The following GNAT2 variants were observed in gnomAD, a reference collection of about 807,000 sequenced individuals.
GNAT2 encodes the protein guanine nucleotide-binding protein G(t) subunit alpha-2.
In GNAT2, 32 loss-of-function variants were observed where a neutral mutation model predicts 40.9. The observed-to-expected ratio is 0.78, with a 90% CI of 0.59 to 1.05. The LOEUF (loss-of-function observed/expected upper bound fraction) is 1.05. Ranked by LOEUF, GNAT2 falls within the 50% of genes least tolerant of loss-of-function variation. The pLI is 0.00. For synonymous variants in GNAT2, 141 were observed against 157.2 expected (o/e 0.90, Z 0.77); for missense variants, 355 against 431.5 (o/e 0.82, Z 1.57).
At chr1:109,607,471 GGAAGGCA>G (rs1214042055) in intron 5 of GNAT2, 11 of 127,418 alleles carry the variant, frequency 8.6e-5, no homozygotes, top group Non-Finnish European at 1.7e-4. Flanking sequence ...AAAGGCAAGA[GGAAGGCA>G]GATGTGAACT....
intron 8 of GNAT2, 22 bp from the exon 9 acceptor site, chr1:109,603,566 GA>G (rs1299898997): frequency 2.0e-6 from 3 of 1,473,400 alleles, no homozygotes; most frequent in Admixed American, 1.7e-5. Flanking sequence ...GAAAAATAGT[GA>G]AAAAGTAGAA....
chr1:109,608,531 G>A, intron 5 of GNAT2, 100 bp downstream of exon 5: 1 of 1,094,088 alleles, frequency 9.1e-7, no homozygotes, highest in Non-Finnish European at 1.4e-6. Context: ...AGCTTTCAAT[G>A]CCTGAAATTT....
In GNAT2 at chr1:109,610,022, A is replaced by G. The variant is rs754796051; in HGVS notation, c.303+18T>C. 55 of 1,613,056 alleles carry G rather than the reference A, an allele frequency of 3.4e-5. No homozygotes were observed. The East Asian group carries it at 1.1e-3, about 31-fold the overall frequency. On this transcript the variant is annotated intron_variant, in intron 4 of 8. Coordinates refer to ENST00000679935, the MANE Select transcript of GNAT2 (RefSeq NM_001377295.2). ...CCTTTCTGCTTCCACCCTTAACCACATAATAGTAATCACATACCGCACAGC... is the reference window on the plus strand; with the variant it reads ...CCTTTCTGCTTCCACCCTTAACCACGTAATAGTAATCACATACCGCACAGC...
At position 109,606,351 on chromosome 1, in the gene GNAT2, C is replaced by T. The variant is rs1649593990; in HGVS notation, c.547G>A (p.Gly183Ser). The T allele has an allele frequency of 6.2e-7, 1 of 1,613,142 alleles. No individual in the cohort carries two copies. Among genetic ancestry groups the T allele is most frequent in the Non-Finnish European group, 8.5e-7 (1 of 1,179,164 alleles). ...DVLRSRVKTT[G>S]IIETKFSVKD... is the part of the protein sequence containing the mutation. Reference sequence around the variant, plus strand: ...ACGGAAAACTTGGTTTCAATGATGCCCGTGGTTTTGACTCTGGATCGGAGC... The same window carrying T: ...ACGGAAAACTTGGTTTCAATGATGCTCGTGGTTTTGACTCTGGATCGGAGC... The change falls in exon 6 of 9, where the codon GGC (glycine) becomes AGC (serine). Residue 183 changes from glycine (G) to serine (S), a missense_variant. Coordinates refer to ENST00000679935, the MANE Select transcript of GNAT2 (RefSeq NM_001377295.2).
intron 1 of GNAT2, chr1:109,614,103 A>AAC (rs1649880669): frequency 6.6e-6 from 1 of 152,232 alleles, no homozygotes; most frequent in Non-Finnish European, 1.5e-5. Context: ...TTGTTGCCCA[A>AAC]AATGTGGATC....
In GNAT2 at chr1:109,603,955, A is replaced by G. The variant is rs373436662; in HGVS notation, c.870T>C (p.Tyr290=). The G allele has an allele frequency of 1.9e-6, 3 of 1,604,160 alleles. No individual in the cohort carries two copies. Among genetic ancestry groups the G allele is most frequent in the African/African-American group, 1.3e-5 (1 of 74,802 alleles). ...TTTCCAGCCCCTGACACTTACCATC[A>G]TACTCTGGAAAACAAATGCTGAGAT... The part of the protein sequence containing the change: ...KVHLSICFPE[Y]DGNNSYDDAG... Residue 290 remains tyrosine, a synonymous_variant, in exon 8 of 9, where the codon TAT becomes TAC. Coordinates refer to ENST00000679935, the MANE Select transcript of GNAT2 (RefSeq NM_001377295.2).
At chr1:109,608,394 G>A (rs938967671) in intron 5 of GNAT2, 12 of 584,932 alleles carry the variant, frequency 2.1e-5, no homozygotes, top group South Asian at 7.6e-5. Flanking sequence ...CTTGTAGGCT[G>A]TAGTGAGCCA....
At chr1:109,605,917 G>C (rs924446444) in intron 7 of GNAT2, 53 bp downstream of exon 7, 3 of 1,552,572 alleles carry the variant, frequency 1.9e-6, no homozygotes, top group South Asian at 1.1e-5. Flanking sequence ...TTAGAGAAAG[G>C]GTCATGGGGA....
intron 1 of GNAT2, chr1:109,615,521 G>C (rs1217457483): frequency 6.6e-6 from 1 of 152,012 alleles, no homozygotes; most frequent in Non-Finnish European, 1.5e-5. Context: ...TGTAATCCCA[G>C]CTACTTGGGA....
chr1:109,610,194 G>C lies in GNAT2; in HGVS notation c.162-13C>G. On this transcript the variant is annotated splice_polypyrimidine_tract_variant and intron_variant, in intron 3 of 8. Coordinates refer to ENST00000679935, the MANE Select transcript of GNAT2 (RefSeq NM_001377295.2). Reference sequence around the variant, plus strand: ...CTGGTGAATGATCCTGCAAGGGGCAGACACTCTGTCTTTAGCTGGACCTGA... The same window carrying C: ...CTGGTGAATGATCCTGCAAGGGGCACACACTCTGTCTTTAGCTGGACCTGA... 1 of 1,613,808 alleles carries C rather than the reference G, an allele frequency of 6.2e-7. No individual in the cohort carries two copies. Among genetic ancestry groups the C allele is most frequent in the Non-Finnish European group, 8.5e-7 (1 of 1,179,740 alleles).
chr1:109,612,509 A>G, intron 2 of GNAT2: 1 of 510,684 alleles, frequency 2.0e-6, no homozygotes, highest in Non-Finnish European at 3.6e-6. Flanking sequence ...CCCTTGCACT[A>G]TTCCTCGCTC....
intron 4 of GNAT2, 138 bp from the exon 5 acceptor site, chr1:109,608,926 T>C: frequency 1.3e-6 from 1 of 760,572 alleles, no homozygotes; most frequent in Non-Finnish European, 2.3e-6. Context: ...GAAGATTCTA[T>C]GTAAGAAAAC....
chr1:109,607,465 G>GAAAAAAAAAAAAAAA (rs1649644983), intron 5 of GNAT2: 1 of 121,496 alleles, frequency 8.2e-6, no homozygotes, highest in African/African-American at 3.4e-5. Flanking sequence ...AAAAAAAAAG[G>GAAAAAAAAAAAAAAA]CAAGAGGAAG....
chr1:109,618,580 G>A (rs1044838069), intron 1 of GNAT2, among the ~76,000 whole-genome samples: 14 of 152,182 alleles, frequency 9.2e-5, no homozygotes, highest in Non-Finnish European at 1.8e-4. Flanking sequence ...CAGTGTTCAA[G>A]GCCACCAGTA....
In GNAT2 at chr1:109,608,523, C is replaced by T; in HGVS notation, c.461+108G>A. The T allele has an allele frequency of 2.9e-6, 3 of 1,026,182 alleles. No homozygotes were observed. In the South Asian group the frequency reaches 3.8e-5, roughly 13 times the overall value. The allele number at this position is 1,026,182 out of a possible 1,614,324, so 63.6% of individuals were successfully genotyped here. A position where few individuals can be genotyped will look rare whatever the true frequency, so the allele number is the denominator to read the frequency against. ...GGCTGAATTCAGTCTGGGTCTCCAG[C>T]TTTCAATGCCTGAAATTTTGGGTTG... is the stretch of plus-strand genomic sequence containing the variant. On this transcript the variant is annotated intron_variant, in intron 5 of 8. Coordinates refer to ENST00000679935, the MANE Select transcript of GNAT2 (RefSeq NM_001377295.2).
At chr1:109,606,239 A>G in intron 6 of GNAT2, 69 bp downstream of exon 6, 1 of 1,587,964 alleles carries the variant, frequency 6.3e-7, no homozygotes, top group Non-Finnish European at 8.6e-7. Context: ...AAGGCCAAGA[A>G]GCCTGCCTGT....
In GNAT2 at chr1:109,608,783, G is replaced by A. The variant is rs752430152; in HGVS notation, c.309C>T (p.Asp103=). 54 of 1,613,492 alleles carry A rather than the reference G, an allele frequency of 3.3e-5. No homozygotes were observed. The highest frequency in any genetic ancestry group is 1.6e-4 in the Middle Eastern group (1 of 6,084). ...IDYAEPSCAD[D]GRQLNNLADS... is the part of the protein sequence containing the mutation. ...CAGCCAGGTTGTTGAGCTGTCGCCC[G>A]TCATCCTGTAATGCAGAAACCTGGT... The change falls in exon 5 of 9, where the codon GAC becomes GAT. Residue 103 remains aspartate (D), a synonymous_variant. Transcript: ENST00000679935.
chr1:109,609,122 TA>T (rs1476756028), intron 4 of GNAT2: 1 of 382,058 alleles, frequency 2.6e-6, no homozygotes, highest in Admixed American at 3.7e-5. Flanking sequence ...ACTGAAAATG[TA>T]AAGGCCAGAT....
At chr1:109,608,110 G>A (rs1187367335) in intron 5 of GNAT2, 1 of 194,160 alleles carries the variant, frequency 5.2e-6, no homozygotes, top group African/African-American at 2.3e-5. Context: ...TGCCCTTGTA[G>A]TTTGTGTCCC....
Sources: gnomAD v4.1 joint callset for allele counts (sites outside exome capture counted in the v4.1 genomes callset) on GRCh38, gnomAD v4.1.1 for gene constraint, MANE v1.5 for transcripts, NCBI Gene and HGNC (gene_info 2026-07-23, HGNC 2026-07-21) for gene names.